Variants in GRID2 observed in about 807,000 individuals in gnomAD.
GRID2 encodes glutamate receptor ionotropic, delta-2.
Under a neutral mutation model 114.8 loss-of-function variants are expected in GRID2, and 33 were observed. That is an observed-to-expected ratio of 0.29 (90% CI 0.22 to 0.38). The LOEUF is 0.38. Among genes scored for constraint, GRID2 ranks in the 10% least tolerant of loss-of-function variants. The pLI is 1.00. For synonymous variants in GRID2, 505 were observed against 449.9 expected (o/e 1.12, Z -1.55); for missense variants, 1,184 against 1,257.7 (o/e 0.94, Z 0.89).
At chr4:93,779,139 GTC>G (rs1409347665), downstream of GRID2, among the ~76,000 whole-genome samples, 5 of 151,290 alleles carry the variant, frequency 3.3e-5, no homozygotes, top group African/African-American at 4.9e-5. Flanking sequence ...TTTTAATTAG[GTC>G]TCTCTCAGCA....
chr4:93,060,222 G>C (rs1727654439), intron 2 of GRID2, among the ~76,000 whole-genome samples: 1 of 152,126 alleles, frequency 6.6e-6, no homozygotes, highest in African/African-American at 2.4e-5. Flanking sequence ...TCTGGGTCTA[G>C]TCAAACTGAA....
intron 2 of GRID2, among the ~76,000 whole-genome samples, chr4:92,722,670 C>A (rs531863289): frequency 1.2e-4 from 19 of 152,042 alleles, no homozygotes; most frequent in African/African-American, 4.1e-4. Flanking sequence ...ATCTGGGAAC[C>A]ACTCCTTTAG....
chr4:93,404,577 T>G (rs1019951124), intron 9 of GRID2, among the ~76,000 whole-genome samples: 1 of 152,098 alleles, frequency 6.6e-6, no homozygotes, highest in Admixed American at 6.6e-5. Flanking sequence ...TTATAAAAAT[T>G]CAAATAACTA....
Position 93,238,379 on chromosome 4 carries a change from T to C in GRID2, c.1134T>C (p.Val378=), listed in dbSNP as rs75576475. 5.7e-5 allele frequency: 92 copies of C among 1,604,416 alleles called. No homozygotes were observed. The East Asian group carries it at 1.1e-3, about 19-fold the overall frequency. Residue 378 remains valine, a synonymous_variant, in exon 8 of 16, where the codon GTT becomes GTC. Transcript: ENST00000282020. ...SMLETIKKGG[V]SGLTGELEFG... ...TCTGTTCTCTCCTTTAGGGTGGAGT[T>C]AGTGGGTTGACTGGAGAGCTAGAAT... is the stretch of plus-strand genomic sequence containing the variant.
At chr4:93,088,075 T>G (rs1184641693) in intron 3 of GRID2, among the ~76,000 whole-genome samples, 1 of 152,146 alleles carries the variant, frequency 6.6e-6, no homozygotes, top group Non-Finnish European at 1.5e-5. Context: ...GAAAAAAATA[T>G]ATACTTTTTA....
chr4:93,560,341 C>T (rs1734803280), intron 13 of GRID2, among the ~76,000 whole-genome samples: 1 of 150,348 alleles, frequency 6.7e-6, no homozygotes, highest in East Asian at 2.0e-4. Flanking sequence ...ACATGGCACT[C>T]ACAACTGCTT....
chr4:92,793,545 TA>T (rs1231285815), intron 2 of GRID2, among the ~76,000 whole-genome samples: 3 of 148,242 alleles, frequency 2.0e-5, no homozygotes, highest in Non-Finnish European at 4.5e-5. Flanking sequence ...GAACATAAAA[TA>T]AAAATTAAAA....
chr4:92,444,376 G>T (rs878892942), intron 1 of GRID2, among the ~76,000 whole-genome samples: 2 of 142,272 alleles, frequency 1.4e-5, no homozygotes, highest in Non-Finnish European at 3.1e-5. Flanking sequence ...AGTCAAAGGG[G>T]GTTTGTTCTC....
chr4:92,973,141 GT>G (rs1337516640), intron 2 of GRID2, among the ~76,000 whole-genome samples: 10 of 152,116 alleles, frequency 6.6e-5, no homozygotes, highest in Non-Finnish European at 1.2e-4. Flanking sequence ...GGATTGCTGG[GT>G]CAAATGGTAT....
chr4:93,396,402 T>C (rs1013235861), intron 9 of GRID2, among the ~76,000 whole-genome samples: 3 of 151,994 alleles, frequency 2.0e-5, no homozygotes, highest in Admixed American at 2.0e-4. Flanking sequence ...AGTTTTGTTT[T>C]CTTCCAACAC....
chr4:93,199,818 A>G (rs1300433881), intron 4 of GRID2, among the ~76,000 whole-genome samples: 1 of 152,178 alleles, frequency 6.6e-6, no homozygotes, highest in Non-Finnish European at 1.5e-5. Flanking sequence ...GTATCTAAAC[A>G]AATAATACTC....
At chr4:92,742,718 T>C (rs1430139910) in intron 2 of GRID2, among the ~76,000 whole-genome samples, 1 of 152,194 alleles carries the variant, frequency 6.6e-6, no homozygotes, top group Non-Finnish European at 1.5e-5. Context: ...TGGATATAAC[T>C]GAATACTCAG....
At chr4:93,489,424 T>C (rs1018575427) in intron 11 of GRID2, among the ~76,000 whole-genome samples, 16 of 152,068 alleles carry the variant, frequency 1.1e-4, no homozygotes, top group Non-Finnish European at 2.1e-4. Flanking sequence ...ACATAGAGTC[T>C]TGTAAACCTT....
chr4:92,935,793 C>A (rs187689739), intron 2 of GRID2, among the ~76,000 whole-genome samples: 1 of 144,814 alleles, frequency 6.9e-6, no homozygotes, highest in Non-Finnish European at 1.5e-5. Context: ...GGACAAAAAA[C>A]CAAACACTGC....
chr4:92,954,220 A>G (rs1752226469), intron 2 of GRID2, among the ~76,000 whole-genome samples: 1 of 152,028 alleles, frequency 6.6e-6, no homozygotes, highest in Non-Finnish European at 1.5e-5. Flanking sequence ...TATACACACA[A>G]ACATATACAC....
chr4:93,443,751 A>T (rs1257922700), intron 10 of GRID2, among the ~76,000 whole-genome samples: 2 of 151,986 alleles, frequency 1.3e-5, no homozygotes, highest in African/African-American at 4.8e-5. Context: ...ATATGGAAAA[A>T]AAACCTTTAA....
At chr4:93,231,154 A>G (rs1746087689) in intron 7 of GRID2, among the ~76,000 whole-genome samples, 1 of 152,060 alleles carries the variant, frequency 6.6e-6, no homozygotes, top group Non-Finnish European at 1.5e-5. Flanking sequence ...CCTTCTTGGA[A>G]TAGTGCCATG....
chr4:92,534,414 C>T (rs1725504868), intron 1 of GRID2, among the ~76,000 whole-genome samples: 1 of 152,052 alleles, frequency 6.6e-6, no homozygotes, highest in Admixed American at 6.6e-5. Flanking sequence ...ATATAATTAT[C>T]TTCTGAAGAT....
At chr4:93,154,463 C>T (rs1736992914) in intron 4 of GRID2, among the ~76,000 whole-genome samples, 1 of 151,944 alleles carries the variant, frequency 6.6e-6, no homozygotes, top group Admixed American at 6.6e-5. Flanking sequence ...GGTGCTGTCA[C>T]ACTAGTGGTT....
Sources: gnomAD v4.1 joint callset for allele counts (sites outside exome capture counted in the v4.1 genomes callset) on GRCh38, gnomAD v4.1.1 for gene constraint, MANE v1.5 for transcripts, NCBI Gene and HGNC (gene_info 2026-07-23, HGNC 2026-07-21) for gene names.